The following SLC1A1 variants were observed in gnomAD, a reference collection of about 807,000 sequenced individuals.
SLC1A1 encodes the protein solute carrier family 1 member 1, also known as excitatory amino acid transporter 3.
Under a neutral mutation model 53.3 loss-of-function variants are expected in SLC1A1, and 43 were observed. The ratio of observed to expected loss-of-function variants is 0.81; its 90% confidence interval spans 0.63 to 1.04. The LOEUF (loss-of-function observed/expected upper bound fraction) is 1.04, where lower values mean the gene tolerates loss of function less well. Ranked by LOEUF, SLC1A1 falls within the 50% of genes least tolerant of loss-of-function variation. The pLI is 0.00. For missense variants in SLC1A1, 748 were observed against 664.9 expected (o/e 1.12, Z -1.37); for synonymous variants, 307 against 243.2 (o/e 1.26, Z -2.44).
chr9:4,560,822 C>T (rs922447681), intron 2 of SLC1A1, among the ~76,000 whole-genome samples: 1 of 151,996 alleles, frequency 6.6e-6, no homozygotes, highest in African/African-American at 2.4e-5. Context: ...ATGGTGGAAC[C>T]TCATCTCTAC....
chr9:4,536,297 T>C (rs1164110812), intron 1 of SLC1A1, among the ~76,000 whole-genome samples: 1 of 151,960 alleles, frequency 6.6e-6, no homozygotes, highest in Non-Finnish European at 1.5e-5. Flanking sequence ...TCTACTCATC[T>C]CACAAAGGGC....
intron 1 of SLC1A1, among the ~76,000 whole-genome samples, chr9:4,517,965 C>A (rs1358053497): frequency 1.3e-5 from 2 of 152,046 alleles, no homozygotes; most frequent in African/African-American, 4.8e-5. Flanking sequence ...CGGTGGCTCA[C>A]GCCTGTAATC....
chr9:4,567,078 A>G (rs899148283), intron 5 of SLC1A1, among the ~76,000 whole-genome samples: 1 of 152,176 alleles, frequency 6.6e-6, no homozygotes, highest in Non-Finnish European at 1.5e-5. Flanking sequence ...GCCTGGTGTA[A>G]TAATATACTC....
intron 1 of SLC1A1, among the ~76,000 whole-genome samples, chr9:4,496,697 C>T (rs1820436143): frequency 6.6e-6 from 1 of 151,904 alleles, no homozygotes; most frequent in South Asian, 2.1e-4. Context: ...GAGTTCAAGA[C>T]CAGCCTGGGC....
chr9:4,518,224 T>C (rs1466608524), intron 1 of SLC1A1, among the ~76,000 whole-genome samples: 2 of 82,438 alleles, frequency 2.4e-5, no homozygotes, highest in Admixed American at 2.1e-4. Flanking sequence ...GAAAGAGCGA[T>C]ATTCCACCTC....
At chr9:4,533,335 C>T in intron 1 of SLC1A1, among the ~76,000 whole-genome samples, 1 of 152,068 alleles carries the variant, frequency 6.6e-6, no homozygotes, top group East Asian at 1.9e-4. Context: ...TGGGCAGAGA[C>T]ACAAATAGGC....
intron 2 of SLC1A1, among the ~76,000 whole-genome samples, chr9:4,558,332 G>A (rs1443869862): frequency 6.6e-6 from 1 of 152,148 alleles, no homozygotes; most frequent in African/African-American, 2.4e-5. Flanking sequence ...ACTATAGAGT[G>A]GTAACTATAC....
intron 10 of SLC1A1, among the ~76,000 whole-genome samples, chr9:4,578,535 G>A (rs535280486): frequency 1.3e-5 from 2 of 152,278 alleles, no homozygotes; most frequent in East Asian, 3.9e-4. Flanking sequence ...GAGGGAGAGG[G>A]AGAAGGACAG....
chr9:4,577,393 G>A (rs532081723), intron 10 of SLC1A1, among the ~76,000 whole-genome samples: 36 of 152,220 alleles, frequency 2.4e-4, no homozygotes, highest in Non-Finnish European at 4.7e-4. Context: ...GGAGGCAGGG[G>A]TCATGTCATG....
chr9:4,573,728 A>G (rs151212791), intron 7 of SLC1A1, among the ~76,000 whole-genome samples, 179 bp from the exon 8 acceptor site: 189 of 152,300 alleles, frequency 1.2e-3, no homozygotes, highest in African/African-American at 4.0e-3. Flanking sequence ...ACTAAAAACT[A>G]GAGCCAATAT....
At chr9:4,541,685 C>T (rs1309466979) in intron 1 of SLC1A1, among the ~76,000 whole-genome samples, 1 of 152,186 alleles carries the variant, frequency 6.6e-6, no homozygotes, top group African/African-American at 2.4e-5. Context: ...ACTCAGGTTC[C>T]ATAATCACAT....
intron 5 of SLC1A1, 78 bp downstream of exon 5, chr9:4,566,167 T>C: frequency 7.8e-7 from 1 of 1,279,526 alleles, no homozygotes; most frequent in Non-Finnish European, 1.1e-6. Flanking sequence ...CTGCTGTGAC[T>C]CAAGAAATGG....
chr9:4,581,494 G>C (rs764020730), intron 10 of SLC1A1, among the ~76,000 whole-genome samples: 8 of 152,210 alleles, frequency 5.3e-5, no homozygotes, highest in Non-Finnish European at 1.0e-4. Flanking sequence ...TTGACTAAAT[G>C]AATTTTGAGT....
chr9:4,529,071 C>G (rs972637690), intron 1 of SLC1A1, among the ~76,000 whole-genome samples: 3 of 152,166 alleles, frequency 2.0e-5, no homozygotes, highest in Non-Finnish European at 2.9e-5. Flanking sequence ...CAAATACTAA[C>G]TCGTCCACCT....
At chr9:4,533,529 A>G (rs920251407) in intron 1 of SLC1A1, among the ~76,000 whole-genome samples, 19 of 152,332 alleles carry the variant, frequency 1.2e-4, no homozygotes, top group African/African-American at 4.6e-4. Flanking sequence ...CTAAATATAT[A>G]TGCACCCAAT....
intron 2 of SLC1A1, 34 bp downstream of exon 2, chr9:4,544,741 T>A: frequency 1.3e-6 from 2 of 1,559,278 alleles, no homozygotes; most frequent in Non-Finnish European, 1.8e-6. Context: ...TCTATATTAG[T>A]CCATTTTCAT....
intron 1 of SLC1A1, among the ~76,000 whole-genome samples, chr9:4,540,519 C>T (rs1198333895): frequency 7.2e-5 from 11 of 152,244 alleles, no homozygotes; most frequent in Admixed American, 4.6e-4. Context: ...GACTAAAACA[C>T]ATGCCCTCTG....
intron 8 of SLC1A1, among the ~76,000 whole-genome samples, chr9:4,575,111 G>A (rs1820422857): frequency 6.6e-6 from 1 of 152,166 alleles, no homozygotes; most frequent in Non-Finnish European, 1.5e-5. Context: ...CCAGCTAGGT[G>A]TCTAACAGGA....
intron 1 of SLC1A1, among the ~76,000 whole-genome samples, chr9:4,494,215 C>G (rs1820331993): frequency 6.6e-6 from 1 of 152,128 alleles, no homozygotes; most frequent in Non-Finnish European, 1.5e-5. Context: ...GATTTGAATT[C>G]TGGTACTATC....
Sources: gnomAD v4.1 joint callset for allele counts (sites outside exome capture counted in the v4.1 genomes callset) on GRCh38, gnomAD v4.1.1 for gene constraint, MANE v1.5 for transcripts, NCBI Gene and HGNC (gene_info 2026-07-23, HGNC 2026-07-21) for gene names.